LRRC37A2: variants seen among roughly 807,000 people sequenced by gnomAD.
The protein encoded by LRRC37A2 is leucine-rich repeat-containing protein 37A2.
Under a neutral mutation model 68.8 loss-of-function variants are expected in LRRC37A2, and 9 were observed. The ratio of observed to expected loss-of-function variants is 0.13; its 90% CI spans 0.08 to 0.23. LRRC37A2 has a LOEUF of 0.23. Among genes scored for constraint, LRRC37A2 ranks in the 10% least tolerant of loss-of-function variants. LRRC37A2 has a pLI of 1.00. For synonymous variants in LRRC37A2, 63 were observed against 367.6 expected, an observed-to-expected ratio of 0.17 and a Z score of 9.48; for missense variants, 168 against 950.4, an observed-to-expected ratio of 0.18 and a Z score of 10.82.
the LRRC37A2 span, among the ~76,000 whole-genome samples, chr17:46,744,101 C>T: frequency 6.6e-6 from 1 of 152,236 alleles, no homozygotes; most frequent in Non-Finnish European, 1.5e-5. Context: ...AACCGGGTGC[C>T]CTCCGCCATG....
the LRRC37A2 span, among the ~76,000 whole-genome samples, chr17:46,905,811 TGTGC>T: frequency 0.51 from 73,938 of 144,424 alleles, 19,531 homozygotes; most frequent in Non-Finnish European, 0.62. Context: ...TGTGTGTGTG[TGTGC>T]GTTTGTTGGG....
At chr17:46,873,086 T>TCACACACACACACA in the LRRC37A2 span, among the ~76,000 whole-genome samples, 13 of 139,820 alleles carry the variant, frequency 9.3e-5, no homozygotes, top group East Asian at 2.2e-4. Context: ...CTCTGCCTCT[T>TCACACACACACACA]CACACACACA....
chr17:46,732,643 C>T, the LRRC37A2 span, among the ~76,000 whole-genome samples: 5 of 152,070 alleles, frequency 3.3e-5, no homozygotes, highest in Admixed American at 3.3e-4. Context: ...ATCTGCAGTT[C>T]GTGAAGAGTG....
chr17:47,014,347 G>A, the LRRC37A2 span, among the ~76,000 whole-genome samples: 1 of 149,112 alleles, frequency 6.7e-6, no homozygotes, highest in African/African-American at 2.5e-5. Context: ...CCAAGATCAT[G>A]CCACTGCACT....
chr17:47,033,301 C>T, the LRRC37A2 span: 17 of 696,160 alleles, frequency 2.4e-5, no homozygotes, highest in Admixed American at 1.2e-4. Flanking sequence ...CTAGATTTTG[C>T]CCCTGAAAAA....
chr17:46,661,378 TTTATTATTATTATTATTA>T, the LRRC37A2 span, among the ~76,000 whole-genome samples: 2 of 106,564 alleles, frequency 1.9e-5, no homozygotes, highest in African/African-American at 4.4e-5. Context: ...TACATTTCTT[TTTATTATTATTATTATTA>T]TTATTATTAT....
the LRRC37A2 span, among the ~76,000 whole-genome samples, chr17:47,026,503 T>A: frequency 6.6e-6 from 1 of 152,172 alleles, no homozygotes; most frequent in Non-Finnish European, 1.5e-5. Flanking sequence ...AGAATTTGCA[T>A]CTTCAGTAAC....
the LRRC37A2 span, chr17:46,711,141 G>C: frequency 6.8e-7 from 1 of 1,472,412 alleles, no homozygotes; most frequent in Non-Finnish European, 9.0e-7. Flanking sequence ...TGAGGAGATG[G>C]CATTAAAAGT....
chr17:46,493,000 T>G, the LRRC37A2 span, among the ~76,000 whole-genome samples: 2 of 108,566 alleles, frequency 1.8e-5, no homozygotes, highest in Admixed American at 9.9e-5. Flanking sequence ...GGCCTCAAGT[T>G]TTTTTTTTTT....
At chr17:46,884,964 A>G in the LRRC37A2 span, 1 of 409,362 alleles carries the variant, frequency 2.4e-6, no homozygotes, top group Non-Finnish European at 4.8e-6. Context: ...CCCATCAAAT[A>G]GTTATTTGCT....
At chr17:46,740,004 GAAT>G in the LRRC37A2 span, among the ~76,000 whole-genome samples, 1 of 152,278 alleles carries the variant, frequency 6.6e-6, no homozygotes, top group African/African-American at 2.4e-5. Context: ...AAAGAAATTA[GAAT>G]AATACTTTCA....
the LRRC37A2 span, among the ~76,000 whole-genome samples, chr17:46,843,670 T>C: frequency 6.6e-6 from 1 of 152,248 alleles, no homozygotes; most frequent in African/African-American, 2.4e-5. Flanking sequence ...GTTACTTGAC[T>C]TCTCTGTGCC....
rs535579066 is a variant in LRRC37A2, at chr17:46,542,748, C to T, written c.3053+1867C>T. ...GTGTATATATGTATATGTATGCCTGCGGGGCCCTATTGTGAGTTTGTTACA... is the reference window on the plus strand; with the variant it reads ...GTGTATATATGTATATGTATGCCTGTGGGGCCCTATTGTGAGTTTGTTACA... On this transcript the variant is annotated intron_variant, in intron 8 of 14. Coordinates refer to ENST00000576629, the Ensembl canonical transcript of LRRC37A2. 8.6e-5 allele frequency among the ~76,000 whole-genome samples: 13 copies of T among 150,306 alleles called. 2 individuals carry two copies. The highest frequency in any genetic ancestry group is 2.8e-4 in the African/African-American group (11 of 39,738).
At chr17:46,672,251 CTTTTTTTT>C in the LRRC37A2 span, among the ~76,000 whole-genome samples, 2 of 8,376 alleles carry the variant, frequency 2.4e-4, no homozygotes, top group Admixed American at 2.0e-3. Context: ...GAGGTGAAGT[CTTTTTTTT>C]TTTTTTTTTT....
At chr17:46,722,349 C>G in the LRRC37A2 span, among the ~76,000 whole-genome samples, 14 of 152,204 alleles carry the variant, frequency 9.2e-5, no homozygotes, top group African/African-American at 1.9e-4. Context: ...ATCTTTGGAT[C>G]TAGAGCAAGC....
chr17:46,724,600 G>A, the LRRC37A2 span, among the ~76,000 whole-genome samples: 88 of 152,230 alleles, frequency 5.8e-4, no homozygotes, highest in African/African-American at 1.9e-3. Context: ...CTGTGCCCCC[G>A]TATCATCTTG....
chr17:46,839,912 TTTTCTTTCTTTCTTTCTTTCTTTC>T, the LRRC37A2 span, among the ~76,000 whole-genome samples: 349 of 113,408 alleles, frequency 3.1e-3, no homozygotes, highest in Middle Eastern at 8.7e-3. Context: ...ACATTTTCTC[TTTTCTTTCTTTCTTTCTTTCTTTC>T]TTTCTTTCTT....
At chr17:47,031,318 C>G in the LRRC37A2 span, among the ~76,000 whole-genome samples, 1 of 148,060 alleles carries the variant, frequency 6.8e-6, no homozygotes, top group Non-Finnish European at 1.5e-5. Context: ...GGCATCCAAG[C>G]AAGAAGGACC....
chr17:46,808,484 T>A, the LRRC37A2 span, among the ~76,000 whole-genome samples: 2 of 152,184 alleles, frequency 1.3e-5, no homozygotes, highest in African/African-American at 4.8e-5. Flanking sequence ...TGAGCCTGAA[T>A]GGTGGTAGAA....
Sources: allele counts gnomAD v4.1 joint callset (sites outside exome capture counted in the v4.1 genomes callset), GRCh38; gene constraint gnomAD v4.1.1; transcripts MANE v1.5; gene names NCBI Gene and HGNC (gene_info 2026-07-23, HGNC 2026-07-21).